SOX5: variants seen among roughly 807,000 people sequenced by gnomAD.
SOX5 encodes transcription factor SOX-5.
In SOX5, 9 loss-of-function variants were observed where a neutral mutation model predicts 92.0. The observed-to-expected ratio is 0.10, with a 90% CI of 0.06 to 0.17. The LOEUF (loss-of-function observed/expected upper bound fraction) is 0.17, where lower values mean the gene tolerates loss of function less well. Ranked by LOEUF, SOX5 falls within the 10% of genes least tolerant of loss-of-function variation. The probability of loss-of-function intolerance (pLI) is 1.00; values close to 1 mark genes in which losing one functional copy is unlikely to be tolerated. For missense variants in SOX5, 642 were observed against 944.5 expected (o/e 0.68, Z 4.20); for synonymous variants, 344 against 336.3 (o/e 1.02, Z -0.25).
chr12:24,153,413 A>C (rs2138862991), intron 4 of SOX5, among the ~76,000 whole-genome samples: 1 of 152,216 alleles, frequency 6.6e-6, no homozygotes, highest in East Asian at 1.9e-4. Context: ...CCTTATTACA[A>C]ATATGGGTTT....
At chr12:24,275,529 T>C (rs1240830993) in intron 3 of SOX5, among the ~76,000 whole-genome samples, 1 of 152,158 alleles carries the variant, frequency 6.6e-6, no homozygotes, top group Non-Finnish European at 1.5e-5. Flanking sequence ...ACTCATTTCA[T>C]TCTGGTTGCA....
At chr12:23,979,696 A>ATTTTTTTT (rs1248234590) in intron 4 of SOX5, among the ~76,000 whole-genome samples, 1 of 27,446 alleles carries the variant, frequency 3.6e-5, no homozygotes, top group Non-Finnish European at 7.5e-5. Flanking sequence ...ATATATATAT[A>ATTTTTTTT]TGTTTTTTTT....
chr12:23,673,733 G>GAA lies in SOX5; in HGVS notation c.811-8171_811-8170dup, dbSNP rs34408386. On this transcript the variant is annotated intron_variant, in intron 6 of 14. Coordinates refer to ENST00000451604, the MANE Select transcript of SOX5 (RefSeq NM_006940.6). ...AATTTCAGTTCAACATAAGTTCTTT[G>GAA]AAAAAAATCTCAAAAATTACCAAAT... is the stretch of plus-strand genomic sequence containing the variant. Among the ~76,000 whole-genome samples, 6 of 151,650 alleles carry GAA rather than the reference G, an allele frequency of 4.0e-5. No homozygotes were observed. In the East Asian group the frequency reaches 1.2e-3, roughly 29 times the overall value.
chr12:23,900,834 C>G (rs1269269469), intron 1 of SOX5, among the ~76,000 whole-genome samples: 3 of 152,056 alleles, frequency 2.0e-5, no homozygotes, highest in African/African-American at 4.8e-5. Flanking sequence ...GTGGTGCACA[C>G]CTGTAGTTCC....
In SOX5 at chr12:24,097,886, A is replaced by G. The variant is rs147906918; in HGVS notation, c.-2+115457T>C. Among the ~76,000 whole-genome samples the G allele has an allele frequency of 1.0e-3, 156 of 152,212 alleles. 1 individual carries two copies. The East Asian group carries it at 0.015, about 15-fold the overall frequency. ...CTACTGTATGATTCATCTCCCATAT[A>G]TTGCTATGTAAACTTTTAAGCATAT... On this transcript the variant is annotated intron_variant, in intron 4 of 4. Coordinates refer to the SOX5 transcript ENST00000446891.
In SOX5 at chr12:24,076,506, T is replaced by C. The variant is rs147800459; in HGVS notation, c.-2+136837A>G. On this transcript the variant is annotated intron_variant, in intron 4 of 4. Coordinates refer to the SOX5 transcript ENST00000446891. ...CCAACAGCACAATCCAGCATTCTGGTTGCTTGCTTTAAATGATCCTGACAT... is the reference window on the plus strand; with the variant it reads ...CCAACAGCACAATCCAGCATTCTGGCTGCTTGCTTTAAATGATCCTGACAT... Among the ~76,000 whole-genome samples the C allele has an allele frequency of 7.9e-5, 12 of 152,312 alleles. No individual in the cohort carries two copies. The East Asian group carries it at 2.3e-3, about 29-fold the overall frequency.
chr12:23,905,692 A>C (rs2097285692), intron 1 of SOX5, among the ~76,000 whole-genome samples: 1 of 152,190 alleles, frequency 6.6e-6, no homozygotes, highest in African/African-American at 2.4e-5. Context: ...ACTGAAGGAA[A>C]ACTAGTTTAC....
intron 2 of SOX5, among the ~76,000 whole-genome samples, chr12:24,331,956 A>T (rs143998716): frequency 1.3e-5 from 2 of 150,338 alleles, no homozygotes; most frequent in East Asian, 3.9e-4. Context: ...TTTATAGAAT[A>T]TAAAAGAAAC....
At chr12:24,139,028 C>T (rs889280724) in intron 4 of SOX5, among the ~76,000 whole-genome samples, 2 of 152,132 alleles carry the variant, frequency 1.3e-5, no homozygotes, top group South Asian at 4.1e-4. Context: ...TGCGAAACAC[C>T]AGACAACAGG....
At chr12:24,061,160 T>C (rs141394171) in intron 4 of SOX5, among the ~76,000 whole-genome samples, 2 of 152,080 alleles carry the variant, frequency 1.3e-5, no homozygotes, top group African/African-American at 2.4e-5. Context: ...CACACAAAAA[T>C]TGGGGATCTT....
At chr12:24,387,626 T>C (rs1016466597) in intron 1 of SOX5, among the ~76,000 whole-genome samples, 7 of 152,290 alleles carry the variant, frequency 4.6e-5, no homozygotes, top group African/African-American at 4.8e-5. Context: ...CAAGCTTCTC[T>C]GACATCTTTC....
rs1303225078 is a variant in SOX5 at position 24,058,629 on chromosome 12, T to C, written c.-2+154714A>G. Among the ~76,000 whole-genome samples the C allele has an allele frequency of 3.9e-5, 6 of 152,336 alleles. No individual in the cohort carries two copies. In the Middle Eastern group the frequency reaches 0.014, roughly 345 times the overall value. ...TGCAAAGAAAAAAATTCTGTAAGTA[T>C]AGAGGAAATAGTTATTGTCTCAGGT... On this transcript the variant is annotated intron_variant, in intron 4 of 4. Coordinates refer to the SOX5 transcript ENST00000446891.
chr12:23,743,502 G>A (rs556279899), intron 4 of SOX5, among the ~76,000 whole-genome samples: 60 of 152,000 alleles, frequency 3.9e-4, no homozygotes, highest in Admixed American at 1.0e-3. Flanking sequence ...AGTAGAGACG[G>A]GATTTCACCA....
chr12:24,437,360 TA>T (rs1566161592), intron 1 of SOX5, among the ~76,000 whole-genome samples: 2 of 152,130 alleles, frequency 1.3e-5, no homozygotes, highest in African/African-American at 4.8e-5. Context: ...CCTAGAACTA[TA>T]AAAACCCTAG....
chr12:24,217,776 A>G (rs1047679301), intron 3 of SOX5, among the ~76,000 whole-genome samples: 3 of 152,252 alleles, frequency 2.0e-5, no homozygotes, highest in African/African-American at 7.2e-5. Context: ...CACAATGTAT[A>G]AAGAACTCTT....
chr12:24,373,677 G>GAT (rs1171842427), intron 1 of SOX5, among the ~76,000 whole-genome samples: 1 of 152,080 alleles, frequency 6.6e-6, no homozygotes, highest in African/African-American at 2.4e-5. Context: ...TATCAAAATG[G>GAT]ATATATATAG....
chr12:23,539,090 CCA>C (rs1391476976), intron 13 of SOX5, among the ~76,000 whole-genome samples: 1 of 151,956 alleles, frequency 6.6e-6, no homozygotes, highest in East Asian at 1.9e-4. Context: ...CAGGTGTGAG[CCA>C]CCACTCCTGG....
chr12:23,993,900 T>TGC (rs1950791289), intron 4 of SOX5, among the ~76,000 whole-genome samples: 1 of 146,700 alleles, frequency 6.8e-6, no homozygotes, highest in East Asian at 2.0e-4. Flanking sequence ...TGTATGTATG[T>TGC]ATGTATGTAT....
chr12:24,373,490 C>T (rs912903488), intron 1 of SOX5, among the ~76,000 whole-genome samples: 6 of 152,100 alleles, frequency 3.9e-5, no homozygotes, highest in African/African-American at 1.4e-4. Flanking sequence ...TAAACATATG[C>T]AAGGTATAAC....
Sources: allele counts gnomAD v4.1 joint callset (sites outside exome capture counted in the v4.1 genomes callset), GRCh38; gene constraint gnomAD v4.1.1; transcripts MANE v1.5; gene names NCBI Gene and HGNC (gene_info 2026-07-23, HGNC 2026-07-21).